SLIT3: variants seen among roughly 807,000 people sequenced by gnomAD.
SLIT3 encodes the protein slit homolog 3 protein.
SLIT3 carries 68 observed loss-of-function variants against 184.0 expected under a neutral mutation model. The ratio of observed to expected loss-of-function variants is 0.37; its 90% CI spans 0.30 to 0.45. SLIT3 has a LOEUF of 0.45. Among genes scored for constraint, SLIT3 ranks in the 20% least tolerant of loss-of-function variants. The pLI, the probability that SLIT3 is intolerant of heterozygous loss-of-function variation, is 1.00. For synonymous variants in SLIT3, 831 were observed against 828.6 expected (o/e 1.00, Z -0.05); for missense variants, 1,707 against 2,026.0 (o/e 0.84, Z 3.02).
chr5:169,124,300 C>T (rs988607117), intron 4 of SLIT3, among the ~76,000 whole-genome samples: 1 of 152,138 alleles, frequency 6.6e-6, no homozygotes, highest in East Asian at 1.9e-4. Context: ...CTCCATCTTC[C>T]TATGAACTTT....
intron 1 of SLIT3, among the ~76,000 whole-genome samples, chr5:169,273,345 T>C (rs971335002): frequency 1.3e-5 from 2 of 152,172 alleles, no homozygotes; most frequent in Non-Finnish European, 2.9e-5. Context: ...GAGAGAGAGA[T>C]GATCACTCTG....
intron 7 of SLIT3, among the ~76,000 whole-genome samples, chr5:168,821,837 C>T (rs532928060): frequency 1.3e-5 from 2 of 152,324 alleles, no homozygotes; most frequent in South Asian, 4.2e-4. Flanking sequence ...AGTGGCAGAG[C>T]TCCCATTTAA....
At chr5:168,722,085 T>C (rs1762960399) in intron 23 of SLIT3, among the ~76,000 whole-genome samples, 171 bp downstream of exon 23, 1 of 152,060 alleles carries the variant, frequency 6.6e-6, no homozygotes, top group South Asian at 2.1e-4. Context: ...AATGGCAGAC[T>C]CTCAAAGGTA....
intron 4 of SLIT3, among the ~76,000 whole-genome samples, chr5:168,923,930 C>T (rs751967011): frequency 4.6e-5 from 7 of 152,386 alleles, no homozygotes; most frequent in Admixed American, 6.5e-5. Flanking sequence ...AACACAGCCA[C>T]GCTCAATCAT....
At chr5:169,236,651 T>C (rs1042081631) in intron 3 of SLIT3, among the ~76,000 whole-genome samples, 2 of 152,090 alleles carry the variant, frequency 1.3e-5, no homozygotes, top group Admixed American at 6.5e-5. Context: ...GTTGTATTTT[T>C]AGTAGAGACG....
intron 4 of SLIT3, among the ~76,000 whole-genome samples, chr5:168,901,494 T>C (rs1346230114): frequency 1.3e-5 from 2 of 152,204 alleles, no homozygotes; most frequent in Non-Finnish European, 2.9e-5. Context: ...TGACTTCCTT[T>C]GCTGACATGA....
chr5:169,210,032 A>G (rs1764208365), intron 3 of SLIT3, among the ~76,000 whole-genome samples: 1 of 152,212 alleles, frequency 6.6e-6, no homozygotes, highest in African/African-American at 2.4e-5. Flanking sequence ...CCTCCTCCTT[A>G]AGGAACTTGC....
intron 26 of SLIT3, among the ~76,000 whole-genome samples, chr5:168,705,053 T>C (rs751602467): frequency 6.6e-6 from 1 of 152,132 alleles, no homozygotes; most frequent in Non-Finnish European, 1.5e-5. Flanking sequence ...ATGCATCACA[T>C]AGGCACAGGC....
At chr5:169,223,358 C>T (rs1461988830) in intron 3 of SLIT3, among the ~76,000 whole-genome samples, 1 of 152,206 alleles carries the variant, frequency 6.6e-6, no homozygotes, top group Non-Finnish European at 1.5e-5. Context: ...GGGACCTTTC[C>T]TTTTGCTGGC....
chr5:168,939,706 T>TG (rs1010009460), intron 4 of SLIT3, among the ~76,000 whole-genome samples: 12 of 152,348 alleles, frequency 7.9e-5, no homozygotes, highest in African/African-American at 2.4e-4. Flanking sequence ...TTTCCACAGA[T>TG]GCACATTATC....
intron 4 of SLIT3, among the ~76,000 whole-genome samples, chr5:168,903,430 T>C (rs769656820): frequency 6.6e-6 from 1 of 152,114 alleles, no homozygotes; most frequent in Non-Finnish European, 1.5e-5. Flanking sequence ...TCTCAGCACC[T>C]GTGTTTCATT....
intron 14 of SLIT3, among the ~76,000 whole-genome samples, chr5:168,771,497 A>G (rs578051464): frequency 2.0e-5 from 3 of 152,148 alleles, no homozygotes; most frequent in Non-Finnish European, 2.9e-5. Context: ...TCCCTCTCCT[A>G]TAGAGCAAAG....
chr5:168,770,302 G>A (rs1447778545), intron 14 of SLIT3, among the ~76,000 whole-genome samples: 1 of 152,192 alleles, frequency 6.6e-6, no homozygotes, highest in African/African-American at 2.4e-5. Flanking sequence ...GATGTGTTAC[G>A]GAGCAGCCCT....
chr5:169,210,182 C>T (rs893984906), intron 3 of SLIT3, among the ~76,000 whole-genome samples: 11 of 151,966 alleles, frequency 7.2e-5, no homozygotes, highest in African/African-American at 2.7e-4. Context: ...GCATCATGAC[C>T]CAGGCAACGG....
At chr5:169,083,877 C>A (rs1175791675) in intron 4 of SLIT3, among the ~76,000 whole-genome samples, 1 of 152,208 alleles carries the variant, frequency 6.6e-6, no homozygotes, top group Non-Finnish European at 1.5e-5. Flanking sequence ...AGAATACCCA[C>A]CTGGAGCAAA....
intron 4 of SLIT3, among the ~76,000 whole-genome samples, chr5:168,976,426 G>A (rs890192420): frequency 3.9e-5 from 6 of 152,204 alleles, no homozygotes; most frequent in Admixed American, 2.0e-4. Flanking sequence ...TGTTGCTAGA[G>A]AGCCTTTTCA....
chr5:168,748,030 T>G lies in SLIT3; in HGVS notation c.2270+272A>C, dbSNP rs574594472. On this transcript the variant is annotated intron_variant, in intron 20 of 35. Coordinates refer to ENST00000519560, the MANE Select transcript of SLIT3 (RefSeq NM_003062.4). ...AAAATGAGGCAATAACCCTCCCACT[T>G]ATACTCAGGGTATCTTTAGGAATTA... is the stretch of plus-strand genomic sequence containing the variant. Among the ~76,000 whole-genome samples, 23 of 152,158 alleles carry G rather than the reference T, an allele frequency of 1.5e-4. No individual in the cohort carries two copies. In the South Asian group the frequency reaches 2.1e-3, roughly 14 times the overall value.
intron 6 of SLIT3, among the ~76,000 whole-genome samples, chr5:168,828,624 C>A (rs1371052538): frequency 7.1e-6 from 1 of 140,098 alleles, no homozygotes; most frequent in Non-Finnish European, 1.5e-5. Flanking sequence ...CATGCCATTG[C>A]ACTCAGCCTG....
At chr5:168,703,221 C>T (rs1281011978) in intron 26 of SLIT3, among the ~76,000 whole-genome samples, 2 of 149,136 alleles carry the variant, frequency 1.3e-5, no homozygotes, top group East Asian at 4.0e-4. Context: ...ACCCCTCATC[C>T]CACTTTGTGT....
Sources: gnomAD v4.1 joint callset for allele counts (sites outside exome capture counted in the v4.1 genomes callset) on GRCh38, gnomAD v4.1.1 for gene constraint, MANE v1.5 for transcripts, NCBI Gene and HGNC (gene_info 2026-07-23, HGNC 2026-07-21) for gene names.